The following HS2ST1 variants were observed in gnomAD, a reference collection of about 807,000 sequenced individuals.
HS2ST1 encodes the protein heparan sulfate 2-O-sulfotransferase 1, also known as 2-O-sulfotransferase.
A neutral mutation model predicts 42.9 loss-of-function variants in HS2ST1; 18 were observed. That is an observed-to-expected ratio of 0.42 (90% CI 0.29 to 0.62). The LOEUF (loss-of-function observed/expected upper bound fraction) is 0.62, where lower values mean the gene tolerates loss of function less well. Ranked by LOEUF, HS2ST1 falls within the 20% of genes least tolerant of loss-of-function variation. The pLI, the probability that HS2ST1 is intolerant of heterozygous loss-of-function variation, is 0.21. For missense variants in HS2ST1, 334 were observed against 433.8 expected (o/e 0.77, Z 2.04); for synonymous variants, 146 against 152.9 (o/e 0.95, Z 0.33).
chr1:87,101,825 C>T (rs1219489320), intron 5 of HS2ST1, among the ~76,000 whole-genome samples: 1 of 152,076 alleles, frequency 6.6e-6, no homozygotes, highest in African/African-American at 2.4e-5. Flanking sequence ...TCTATTAGGC[C>T]ATTCTTACAT....
intron 1 of HS2ST1, among the ~76,000 whole-genome samples, chr1:87,022,666 C>T (rs981112139): frequency 6.6e-6 from 1 of 152,052 alleles, no homozygotes; most frequent in African/African-American, 2.4e-5. Context: ...CCTTTCTTAC[C>T]TATCATATTA....
intron 1 of HS2ST1, among the ~76,000 whole-genome samples, chr1:87,071,447 A>G (rs1328168357): frequency 6.6e-6 from 1 of 152,168 alleles, no homozygotes. Context: ...TTTTTAAAAG[A>G]TAGCCGGGCG....
At chr1:86,919,007 C>G (rs1358515078) in intron 1 of HS2ST1, among the ~76,000 whole-genome samples, 1 of 149,812 alleles carries the variant, frequency 6.7e-6, no homozygotes, top group Non-Finnish European at 1.5e-5. Flanking sequence ...TGAGATGAGC[C>G]TTGCTGTCAC....
chr1:87,069,221 A>C (rs949812419), intron 1 of HS2ST1, among the ~76,000 whole-genome samples: 31 of 152,352 alleles, frequency 2.0e-4, no homozygotes, highest in African/African-American at 6.5e-4. Flanking sequence ...TATTGGACTC[A>C]TGCAGTTCAA....
chr1:86,975,230 A>G (rs1470093627), intron 1 of HS2ST1, among the ~76,000 whole-genome samples: 1 of 151,922 alleles, frequency 6.6e-6, no homozygotes, highest in African/African-American at 2.4e-5. Flanking sequence ...GTGATCTAAA[A>G]GTCATTTTCT....
chr1:86,974,628 G>A (rs1476418188), intron 1 of HS2ST1, among the ~76,000 whole-genome samples: 1 of 152,162 alleles, frequency 6.6e-6, no homozygotes, highest in Non-Finnish European at 1.5e-5. Flanking sequence ...AGTCTTGTGG[G>A]ACTGAACCTT....
At chr1:87,019,871 C>T (rs1370057739) in intron 1 of HS2ST1, among the ~76,000 whole-genome samples, 1 of 152,200 alleles carries the variant, frequency 6.6e-6, no homozygotes, top group Admixed American at 6.5e-5. Context: ...AGCATCTGTT[C>T]TACAGAGTGT....
At chr1:87,074,152 C>G (rs1651482614) in intron 2 of HS2ST1, among the ~76,000 whole-genome samples, 1 of 152,148 alleles carries the variant, frequency 6.6e-6, no homozygotes. Flanking sequence ...GTCATCTGCC[C>G]ATGTAATTTT....
At chr1:86,987,974 T>A (rs1570466726) in intron 1 of HS2ST1, among the ~76,000 whole-genome samples, 1 of 152,192 alleles carries the variant, frequency 6.6e-6, no homozygotes, top group African/African-American at 2.4e-5. Context: ...CAATTACAAT[T>A]CATATGTCCA....
intron 1 of HS2ST1, among the ~76,000 whole-genome samples, chr1:87,049,359 G>A (rs1189797055): frequency 1.3e-5 from 2 of 151,782 alleles, no homozygotes; most frequent in African/African-American, 4.8e-5. Context: ...AGAACTAGCT[G>A]TGGTTTAGGT....
At chr1:86,992,160 T>C (rs7541261) in intron 1 of HS2ST1, among the ~76,000 whole-genome samples, 107,957 of 146,928 alleles carry the variant, frequency 0.73, 41,039 homozygotes, top group East Asian at 0.97. Context: ...AAACCACTCC[T>C]CCCACTCCCC....
At chr1:87,029,266 A>G (rs1232700831) in intron 1 of HS2ST1, among the ~76,000 whole-genome samples, 2 of 152,202 alleles carry the variant, frequency 1.3e-5, no homozygotes, top group African/African-American at 4.8e-5. Context: ...AGTCAAAAAT[A>G]ACCACCTTCT....
intron 1 of HS2ST1, among the ~76,000 whole-genome samples, chr1:87,000,820 C>G (rs777280356): frequency 5.9e-5 from 9 of 152,178 alleles, no homozygotes; most frequent in Non-Finnish European, 1.0e-4. Flanking sequence ...AAGTACTACC[C>G]TGTTTTCTGG....
At chr1:86,964,471 A>T (rs1274141741) in intron 1 of HS2ST1, among the ~76,000 whole-genome samples, 5 of 152,236 alleles carry the variant, frequency 3.3e-5, no homozygotes, top group Admixed American at 6.5e-5. Context: ...CCCCGTCTCC[A>T]CCAAAAAAAT....
intron 1 of HS2ST1, among the ~76,000 whole-genome samples, chr1:86,925,360 T>A (rs925726950): frequency 1.3e-5 from 2 of 152,218 alleles, no homozygotes; most frequent in African/African-American, 4.8e-5. Flanking sequence ...CAAAGTAGCT[T>A]CCACATTTTT....
chr1:87,048,914 G>C (rs1328031756), intron 1 of HS2ST1, among the ~76,000 whole-genome samples: 1 of 152,076 alleles, frequency 6.6e-6, no homozygotes, highest in Non-Finnish European at 1.5e-5. Context: ...GGTATCAAAG[G>C]CTGGCTTCAG....
intron 1 of HS2ST1, chr1:87,064,598 T>G: frequency 2.0e-6 from 1 of 496,474 alleles, no homozygotes; most frequent in South Asian, 1.5e-5. Context: ...TCTCTCTACC[T>G]TGCATATAGA....
At chr1:87,052,619 A>T (rs1377383974) in intron 1 of HS2ST1, among the ~76,000 whole-genome samples, 12 of 152,104 alleles carry the variant, frequency 7.9e-5, no homozygotes, top group Admixed American at 6.5e-4. Flanking sequence ...GCCTTAGGAG[A>T]CGTAGTGGTT....
Position 87,000,892 on chromosome 1 carries a change from A to T in HS2ST1, c.125-72042A>T, listed in dbSNP as rs146631420. Reference sequence around the variant, plus strand: ...TCAGTTTCTGTTGAGGAGTAGCCAAACATGCCTACTGTTCTAGAGATATTT... The same window carrying T: ...TCAGTTTCTGTTGAGGAGTAGCCAATCATGCCTACTGTTCTAGAGATATTT... On this transcript the variant is annotated intron_variant, in intron 1 of 6. Coordinates refer to ENST00000370550, the MANE Select transcript of HS2ST1 (RefSeq NM_012262.4). 7.8e-3 allele frequency among the ~76,000 whole-genome samples: 1,183 copies of T among 152,326 alleles called. 8 individuals carry two copies. The highest frequency in any genetic ancestry group is 0.017 in the Middle Eastern group (5 of 294).
Sources: gnomAD v4.1 joint callset for allele counts (sites outside exome capture counted in the v4.1 genomes callset) on GRCh38, gnomAD v4.1.1 for gene constraint, MANE v1.5 for transcripts, NCBI Gene and HGNC (gene_info 2026-07-23, HGNC 2026-07-21) for gene names.